The following PPIL4 variants were observed in gnomAD, a reference collection of about 807,000 sequenced individuals.
PPIL4 encodes peptidyl-prolyl cis-trans isomerase-like 4.
PPIL4 carries 50 observed loss-of-function variants against 69.1 expected under a neutral mutation model. The observed-to-expected ratio is 0.72, with a 90% CI of 0.58 to 0.92. The LOEUF is 0.92. PPIL4 is among the 40% of genes least tolerant of loss of function. The probability of loss-of-function intolerance (pLI) is 0.00; values close to 1 mark genes in which losing one functional copy is unlikely to be tolerated. For synonymous variants in PPIL4, 193 were observed against 191.6 expected (o/e 1.01, Z -0.06); for missense variants, 480 against 587.9 (o/e 0.82, Z 1.90).
intron 9 of PPIL4, among the ~76,000 whole-genome samples, chr6:149,521,729 G>A (rs946465841): frequency 1.3e-5 from 2 of 152,142 alleles, no homozygotes; most frequent in African/African-American, 4.8e-5. Flanking sequence ...ATGTGTATGT[G>A]TGTATGCATA....
intron 1 of PPIL4, among the ~76,000 whole-genome samples, chr6:149,541,882 C>T (rs532281527): frequency 5.0e-4 from 76 of 151,968 alleles, no homozygotes; most frequent in Non-Finnish European, 8.2e-4. Flanking sequence ...GGCATGGTGG[C>T]GGGCACCTGT....
chr6:149,541,140 T>C (rs1777353680), intron 3 of PPIL4, 81 bp from the exon 4 acceptor site: 17 of 724,716 alleles, frequency 2.3e-5, no homozygotes, highest in Non-Finnish European at 3.7e-5. Flanking sequence ...GGGTTATCAA[T>C]TATTTCTTTA....
At chr6:149,524,410 A>G (rs1411969833) in intron 9 of PPIL4, among the ~76,000 whole-genome samples, 2 of 152,244 alleles carry the variant, frequency 1.3e-5, no homozygotes, top group Non-Finnish European at 2.9e-5. Flanking sequence ...AGTTTTATTT[A>G]TAAGAAGGTA....
chr6:149,514,244 C>A (rs1176856922), intron 11 of PPIL4, among the ~76,000 whole-genome samples: 1 of 152,212 alleles, frequency 6.6e-6, no homozygotes, highest in Non-Finnish European at 1.5e-5. Context: ...TCTTCTGGAT[C>A]TTGCCTTTTC....
In PPIL4 at chr6:149,517,483, T is replaced by TA. The variant is rs148267012; in HGVS notation, c.983-34dup. ...TTAAGAAAAGAAAAAAAGAGCTTAGTAAAAAAACCACCTAACCAAGAACAA... is the reference window on the plus strand; with the variant it reads ...TTAAGAAAAGAAAAAAAGAGCTTAGTAAAAAAAACCACCTAACCAAGAACAA... On this transcript the variant is annotated intron_variant, in intron 10 of 12. Transcript: ENST00000253329. The TA allele has an allele frequency of 7.2e-5, 79 of 1,094,460 alleles. No individual in the cohort carries two copies. The African/African-American group carries it at 8.1e-4, about 11-fold the overall frequency. The allele number at this position is 1,094,460 out of a possible 1,614,324, so 67.8% of individuals were successfully genotyped here.
At chr6:149,533,597 T>G (rs754082858) in intron 6 of PPIL4, 23 bp from the exon 7 acceptor site, 2 of 1,317,734 alleles carry the variant, frequency 1.5e-6, no homozygotes, top group Non-Finnish European at 2.2e-6. Context: ...AAGTTACTCA[T>G]GTATATATTT....
intron 4 of PPIL4, among the ~76,000 whole-genome samples, chr6:149,536,341 T>C (rs1220717808): frequency 6.6e-6 from 1 of 152,166 alleles, no homozygotes. Context: ...CATCTCTTAC[T>C]TTAAATCAAA....
chr6:149,512,493 T>A (rs1562256244), intron 11 of PPIL4, among the ~76,000 whole-genome samples, 191 bp from the exon 12 acceptor site: 1 of 152,074 alleles, frequency 6.6e-6, no homozygotes, highest in Non-Finnish European at 1.5e-5. Flanking sequence ...ATGGAAAGAA[T>A]CCTAATCCTA....
intron 1 of PPIL4, 150 bp downstream of exon 1, chr6:149,545,786 A>C: frequency 1.4e-6 from 1 of 705,560 alleles, no homozygotes; most frequent in South Asian, 1.9e-5. Flanking sequence ...TTTCTAGCCA[A>C]GGCCGGTTAA....
At chr6:149,521,993 C>A (rs190197205) in intron 9 of PPIL4, among the ~76,000 whole-genome samples, 1 of 152,192 alleles carries the variant, frequency 6.6e-6, no homozygotes, top group Non-Finnish European at 1.5e-5. Context: ...CAAAGAGAAG[C>A]AGATAAAATA....
intron 6 of PPIL4, among the ~76,000 whole-genome samples, chr6:149,533,816 A>T (rs563256721): frequency 3.0e-4 from 46 of 152,288 alleles, no homozygotes; most frequent in Non-Finnish European, 5.6e-4. Flanking sequence ...ACCTCCAAGA[A>T]TTGATTTATA....
chr6:149,522,260 C>T (rs1212472260), intron 9 of PPIL4, among the ~76,000 whole-genome samples: 1 of 152,104 alleles, frequency 6.6e-6, no homozygotes, highest in Non-Finnish European at 1.5e-5. Flanking sequence ...TTTGCAAATA[C>T]TCAATTTACT....
chr6:149,531,733 G>C (rs779850033), intron 7 of PPIL4, among the ~76,000 whole-genome samples: 1 of 151,914 alleles, frequency 6.6e-6, no homozygotes, highest in South Asian at 2.1e-4. Flanking sequence ...GCAATGGCGC[G>C]ATCTCGGCTC....
chr6:149,541,317 GTAAATAAATAAATAAA>G lies in PPIL4; in HGVS notation c.203+34_203+49del, dbSNP rs146577244. On this transcript the variant is annotated intron_variant, in intron 3 of 12. Coordinates refer to ENST00000253329, the MANE Select transcript of PPIL4 (RefSeq NM_139126.4). ...TGTTCTGCCCTTCCAGAGGTTAAAA[GTAAATAAATAAATAAA>G]TAAATAAATAAATAAATAAATAAAA... 84 of 757,276 alleles carry G rather than the reference GTAAATAAATAAATAAA, an allele frequency of 1.1e-4. 5 individuals are homozygous for G. The Middle Eastern group carries it at 1.8e-3, about 16-fold the overall frequency. 46.9% of individuals were successfully genotyped at this position (757,276 alleles called of 1,614,324 possible). A position where few individuals can be genotyped will look rare whatever the true frequency, so the allele number is the denominator to read the frequency against.
intron 12 of PPIL4, among the ~76,000 whole-genome samples, chr6:149,506,355 C>T (rs1202504923): frequency 6.6e-6 from 1 of 152,048 alleles, no homozygotes; most frequent in Non-Finnish European, 1.5e-5. Flanking sequence ...GCCTGTAATC[C>T]CAGCTACTCG....
At chr6:149,511,970 T>A (rs1048207786) in intron 12 of PPIL4, among the ~76,000 whole-genome samples, 185 bp downstream of exon 12, 1 of 152,228 alleles carries the variant, frequency 6.6e-6, no homozygotes, top group Non-Finnish European at 1.5e-5. Flanking sequence ...TGATCTTTTA[T>A]CATTTGTGAT....
intron 4 of PPIL4, among the ~76,000 whole-genome samples, chr6:149,537,568 G>A (rs951330810): frequency 6.6e-6 from 1 of 152,062 alleles, no homozygotes; most frequent in African/African-American, 2.4e-5. Flanking sequence ...TTAGCCGGGC[G>A]TGGTGGCAGG....
At chr6:149,538,949 C>A (rs1168258867) in intron 4 of PPIL4, among the ~76,000 whole-genome samples, 10 of 151,996 alleles carry the variant, frequency 6.6e-5, no homozygotes, top group South Asian at 2.1e-4. Context: ...CAGGTTCAAG[C>A]AATTCTCCTG....
chr6:149,522,954 A>G (rs1777053125), intron 9 of PPIL4, among the ~76,000 whole-genome samples: 1 of 152,240 alleles, frequency 6.6e-6, no homozygotes, highest in Non-Finnish European at 1.5e-5. Context: ...TGGCAATCCA[A>G]TGTATGAAAA....
Sources: allele counts gnomAD v4.1 joint callset (sites outside exome capture counted in the v4.1 genomes callset), GRCh38; gene constraint gnomAD v4.1.1; transcripts MANE v1.5; gene names NCBI Gene and HGNC (gene_info 2026-07-23, HGNC 2026-07-21).